HNRNPM: variants seen among roughly 807,000 people sequenced by gnomAD.
HNRNPM encodes the protein heterogeneous nuclear ribonucleoprotein M.
A neutral mutation model predicts 73.1 loss-of-function variants in HNRNPM; 11 were observed. That is an observed-to-expected ratio of 0.15 (90% CI 0.09 to 0.25). The LOEUF is 0.25. Among genes scored for constraint, HNRNPM ranks in the 10% least tolerant of loss-of-function variants. The probability of loss-of-function intolerance (pLI) is 1.00; values close to 1 mark genes in which losing one functional copy is unlikely to be tolerated. For missense variants in HNRNPM, 789 were observed against 1,067.9 expected (o/e 0.74, Z 3.64); for synonymous variants, 407 against 355.2 (o/e 1.15, Z -1.64).
At chr19:8,486,922 G>A (rs1007465512) in intron 14 of HNRNPM, 102 bp from the exon 15 acceptor site, 40 of 891,556 alleles carry the variant, frequency 4.5e-5, no homozygotes, top group African/African-American at 2.0e-4. Context: ...CCAGCTTCTC[G>A]GTATAGTGAG....
intron 2 of HNRNPM, among the ~76,000 whole-genome samples, chr19:8,461,231 C>CT (rs1969374867): frequency 6.6e-6 from 1 of 152,114 alleles, no homozygotes; most frequent in Admixed American, 6.6e-5. Flanking sequence ...ATGTGCAGAG[C>CT]CATTAATAAA....
chr19:8,467,646 A>G, intron 8 of HNRNPM, 62 bp downstream of exon 8: 2 of 1,174,200 alleles, frequency 1.7e-6, no homozygotes, highest in Non-Finnish European at 2.6e-6. Flanking sequence ...GGAATTAATA[A>G]GAGTGTACAT....
Position 8,473,696 on chromosome 19 carries a change from A to C in HNRNPM, c.1030A>C (p.Asn344His). 1.3e-6 allele frequency: 2 copies of C among 1,571,708 alleles called. No individual in the cohort carries two copies. Among genetic ancestry groups the C allele is most frequent in the Non-Finnish European group, 1.7e-6 (2 of 1,143,090 alleles). Residue 344 changes from asparagine (N) to histidine (H), a missense_variant, in exon 11 of 16, where the codon AAT becomes CAT. Coordinates refer to ENST00000325495, the MANE Select transcript of HNRNPM (RefSeq NM_005968.5). ...AATGGAAGGCATAGGATTTGGAATAAATAAAATGGGAGGTAAGAAATTTAA... is the reference window on the plus strand; with the variant it reads ...AATGGAAGGCATAGGATTTGGAATACATAAAATGGGAGGTAAGAAATTTAA... The part of the protein sequence containing the change: ...MGMEGIGFGI[N>H]KMGGMEGPFG...
chr19:8,478,829 C>T (rs11881002), intron 12 of HNRNPM, among the ~76,000 whole-genome samples: 8,622 of 152,026 alleles, frequency 0.057, 527 homozygotes, highest in African/African-American at 0.15. Flanking sequence ...AGGCCTGGAG[C>T]GTGTTTCAAA....
In HNRNPM at chr19:8,455,453, A is replaced by G. The variant is rs1438220420; in HGVS notation, c.162A>G (p.Ile54Met). The change falls in exon 2 of 16, where the codon ATA (isoleucine) becomes ATG (methionine). Residue 54 changes from isoleucine (I) to methionine (M), a missense_variant. Ile to Met is a conservative substitution (Grantham distance 10). Around this residue, in one of 4 missense-constraint regions of HNRNPM, gnomAD observed 63 missense variants for 147.4 expected, o/e 0.43. Transcript: ENST00000325495. ...AQNEKRKEKN[I>M]KRGGNRFEPY... ...ATGAGAAGAGGAAGGAGAAAAACAT[A>G]AAAAGAGGAGGCAATCGCTTTGAGC... 6.2e-7 allele frequency: 1 copy of G among 1,614,078 alleles called. No homozygotes were observed. Among genetic ancestry groups the G allele is most frequent in the South Asian group, 1.1e-5 (1 of 91,082 alleles).
chr19:8,454,682 C>CG (rs1311209686), intron 1 of HNRNPM, among the ~76,000 whole-genome samples: 1 of 124,944 alleles, frequency 8.0e-6, no homozygotes, highest in East Asian at 3.3e-4. Context: ...TGCCCCCCCC[C>CG]CCTTTTTTTT....
At chr19:8,471,265 C>T (rs1265395424) in intron 9 of HNRNPM, 61 bp from the exon 10 acceptor site, 3 of 1,068,416 alleles carry the variant, frequency 2.8e-6, no homozygotes, top group Non-Finnish European at 1.4e-6. Flanking sequence ...CACTCTTTTC[C>T]TTTGAGGGTC....
intron 2 of HNRNPM, among the ~76,000 whole-genome samples, 200 bp downstream of exon 2, chr19:8,455,774 G>A (rs146837337): frequency 6.1e-4 from 91 of 149,908 alleles, no homozygotes; most frequent in Middle Eastern, 3.5e-3. Context: ...TTGTTTTGTG[G>A]TCATACCCCT....
Position 8,485,932 on chromosome 19 carries a change from G to T in HNRNPM, c.1504G>T (p.Asp502Tyr). The T allele has an allele frequency of 6.2e-7, 1 of 1,605,634 alleles. No homozygotes were observed. The part of the protein sequence containing the change: ...FGLERMAAPI[D>Y]RVGQTIERMG... ...CCTTGAGCGCATGGCCGCTCCCATC[G>T]ACCGTGTGGGCCAGACCATTGAGCG... Residue 502 changes from aspartate to tyrosine, a missense_variant, in exon 14 of 16, where the codon GAC (aspartate) becomes TAC (tyrosine). By Grantham distance (160) the Asp-to-Tyr change is radical (BLOSUM62 -3). This residue lies in a region of HNRNPM where 604 missense variants were observed against 744.0 expected (regional missense o/e 0.81). Coordinates refer to ENST00000325495, the MANE Select transcript of HNRNPM (RefSeq NM_005968.5).
At position 8,468,881 on chromosome 19, in the gene HNRNPM, C is replaced by A. The variant is rs113073660; in HGVS notation, c.895+47C>A. 1.8e-3 allele frequency: 2,589 copies of A among 1,433,444 alleles called. 49 individuals carry two copies. The African/African-American group carries it at 0.033, about 18-fold the overall frequency. 88.8% of individuals were successfully genotyped at this position (1,433,444 alleles called of 1,614,324 possible). The stretch of plus-strand genomic sequence containing the variant: ...GCTGAGAGTTTGAATTGGAGTTACA[C>A]TAATAAACAGAAAATTACCATATGG... On this transcript the variant is annotated intron_variant, in intron 9 of 15. Transcript: ENST00000325495.
chr19:8,455,596 T>C, intron 2 of HNRNPM, 22 bp downstream of exon 2: 2 of 1,598,430 alleles, frequency 1.3e-6, no homozygotes, highest in Non-Finnish European at 1.7e-6. Flanking sequence ...GGTGATTGAG[T>C]AGGGTGAGAA....
chr19:8,474,529 A>C (rs552575638), intron 12 of HNRNPM, among the ~76,000 whole-genome samples: 92 of 152,228 alleles, frequency 6.0e-4, no homozygotes, highest in African/African-American at 2.1e-3. Flanking sequence ...ATGGTCTCCG[A>C]GTATGAGGGA....
intron 2 of HNRNPM, among the ~76,000 whole-genome samples, chr19:8,460,935 AG>A (rs1456601508): frequency 6.6e-6 from 1 of 152,322 alleles, no homozygotes; most frequent in Admixed American, 6.5e-5. Context: ...ACATGGCCTC[AG>A]GGCGGCTGCA....
intron 2 of HNRNPM, among the ~76,000 whole-genome samples, chr19:8,461,376 C>T (rs1429118304): frequency 1.3e-5 from 2 of 152,158 alleles, no homozygotes; most frequent in African/African-American, 4.8e-5. Flanking sequence ...TTGTTGAGGC[C>T]GTTAAGCGGG....
chr19:8,484,149 C>T (rs1599851827), intron 13 of HNRNPM, among the ~76,000 whole-genome samples: 1 of 150,332 alleles, frequency 6.7e-6, no homozygotes, highest in Admixed American at 6.7e-5. Flanking sequence ...TGGAGCTCCA[C>T]GCTGGTACCA....
chr19:8,483,166 A>C lies in HNRNPM; in HGVS notation c.1129A>C (p.Ser377Arg). 6.2e-7 allele frequency: 1 copy of C among 1,609,704 alleles called. No individual in the cohort carries two copies. Among genetic ancestry groups the C allele is most frequent in the East Asian group, 2.2e-5 (1 of 44,858 alleles). The change falls in exon 13 of 16, where the codon AGT (serine) becomes CGT (arginine). Residue 377 changes from serine to arginine, a missense_variant. Ser to Arg is a moderately radical substitution (Grantham distance 110). Transcript: ENST00000325495. ...CTTCCTGATTTCCTTAGAAATCCTAAGTAATGCACTGAAGAGAGGAGAGAT... is the reference window on the plus strand; with the variant it reads ...CTTCCTGATTTCCTTAGAAATCCTACGTAATGCACTGAAGAGAGGAGAGAT... ...MNMGRINEILSNALKRGEIIA... is the reference protein window; with the variant it reads ...MNMGRINEILRNALKRGEIIA...
At chr19:8,453,408 T>G (rs1038841971) in intron 1 of HNRNPM, among the ~76,000 whole-genome samples, 1 of 152,222 alleles carries the variant, frequency 6.6e-6, no homozygotes, top group African/African-American at 2.4e-5. Context: ...CCCAAAGTGC[T>G]GGGATTACAG....
chr19:8,447,345 A>G (rs929516603), intron 1 of HNRNPM, among the ~76,000 whole-genome samples: 4 of 150,904 alleles, frequency 2.7e-5, no homozygotes, highest in Admixed American at 2.0e-4. Flanking sequence ...TGGAGAGGCC[A>G]TTAACATATT....
chr19:8,451,469 AAG>A (rs1968618660), intron 1 of HNRNPM, among the ~76,000 whole-genome samples: 1 of 152,140 alleles, frequency 6.6e-6, no homozygotes, highest in Non-Finnish European at 1.5e-5. Context: ...ATGTTAAAAA[AAG>A]AGCTTTTCAG....
Sources: allele counts gnomAD v4.1 joint callset (sites outside exome capture counted in the v4.1 genomes callset), GRCh38; gene constraint gnomAD v4.1.1; regional missense constraint gnomAD v4.1.1; transcripts MANE v1.5; gene names NCBI Gene and HGNC (gene_info 2026-07-23, HGNC 2026-07-21).